Variants in ZFHX3 observed in about 807,000 individuals in gnomAD.
ZFHX3 encodes zinc finger homeobox 3.
In ZFHX3, 42 loss-of-function variants were observed where a neutral mutation model predicts 279.1. The observed-to-expected ratio is 0.15, with a 90% CI of 0.12 to 0.19. The LOEUF is 0.19. Ranked by LOEUF, ZFHX3 falls within the 10% of genes least tolerant of loss-of-function variation. ZFHX3 has a pLI of 1.00. For missense variants in ZFHX3, 4,981 were observed against 4,754.0 expected (o/e 1.05, Z -1.40); for synonymous variants, 2,293 against 1,957.8 (o/e 1.17, Z -4.52).
At chr16:73,168,266 TC>T (rs2080848362) in intron 5 of ZFHX3, among the ~76,000 whole-genome samples, 1 of 150,616 alleles carries the variant, frequency 6.6e-6, no homozygotes, top group African/African-American at 2.5e-5. Flanking sequence ...TTTCTTTCTT[TC>T]TTTCTTTCTT....
At chr16:72,874,290 T>C (rs535133088) in intron 4 of ZFHX3, among the ~76,000 whole-genome samples, 1 of 137,634 alleles carries the variant, frequency 7.3e-6, no homozygotes, top group East Asian at 2.3e-4. Context: ...CGCTGCAAAC[T>C]CCGCCTCCCG....
intron 5 of ZFHX3, among the ~76,000 whole-genome samples, chr16:72,819,242 A>G (rs2036708282): frequency 7.5e-6 from 1 of 133,744 alleles, no homozygotes; most frequent in South Asian, 3.0e-4. Flanking sequence ...CCCACCCCCA[A>G]TCTTGCTTAC....
intron 3 of ZFHX3, among the ~76,000 whole-genome samples, chr16:73,366,408 C>G (rs1018368274): frequency 1.3e-5 from 2 of 151,482 alleles, no homozygotes; most frequent in African/African-American, 4.9e-5. Flanking sequence ...TATTTTGATT[C>G]CTAAGTGGAA....
chr16:73,234,637 G>C (rs1001213329), intron 5 of ZFHX3, among the ~76,000 whole-genome samples: 1 of 152,186 alleles, frequency 6.6e-6, no homozygotes, highest in Admixed American at 6.5e-5. Context: ...ATTTGCTTGG[G>C]AATATTTCTT....
Position 72,959,575 on chromosome 16 carries a change from A to G in ZFHX3, c.571T>C (p.Tyr191His). The G allele has an allele frequency of 6.2e-7, 1 of 1,614,206 alleles. No homozygotes were observed. Among genetic ancestry groups the G allele is most frequent in the Non-Finnish European group, 8.5e-7 (1 of 1,180,044 alleles). ...TGGAAAGTGTTGATGATCTGCGGGT[A>G]CACGGGTGCAGCACACGAAGGGTCC... ...QGDPSCAAPV[Y>H]PQIINTFHIA... Residue 191 changes from tyrosine (Y) to histidine (H), a missense_variant, in exon 2 of 10, where the codon TAC becomes CAC. This residue lies in a region of ZFHX3 where 1,068 missense variants were observed against 935.2 expected (regional missense o/e 1.14). Coordinates refer to ENST00000268489, the MANE Select transcript of ZFHX3 (RefSeq NM_006885.4).
chr16:73,270,051 C>G (rs2014098239), intron 4 of ZFHX3, among the ~76,000 whole-genome samples: 1 of 151,996 alleles, frequency 6.6e-6, no homozygotes, highest in Admixed American at 6.6e-5. Flanking sequence ...TCCGGCCTGC[C>G]CATATATTTT....
intron 3 of ZFHX3, among the ~76,000 whole-genome samples, chr16:72,915,382 C>G (rs1405886007): frequency 6.6e-6 from 1 of 152,198 alleles, no homozygotes; most frequent in South Asian, 2.1e-4. Context: ...AGAAGGCTCT[C>G]GACACCCAGT....
chr16:73,337,314 C>T (rs547697706), intron 3 of ZFHX3, among the ~76,000 whole-genome samples: 3 of 152,296 alleles, frequency 2.0e-5, no homozygotes, highest in East Asian at 1.9e-4. Flanking sequence ...CCCCTCTACA[C>T]GTTCTGGCGA....
At chr16:73,865,742 G>C (rs1330727553) in intron 1 of ZFHX3, among the ~76,000 whole-genome samples, 1 of 151,944 alleles carries the variant, frequency 6.6e-6, no homozygotes, top group Non-Finnish European at 1.5e-5. Flanking sequence ...CACTTTGAGA[G>C]GCCCAGGCAG....
At chr16:73,175,010 A>G (rs1339076269) in intron 5 of ZFHX3, among the ~76,000 whole-genome samples, 1 of 151,888 alleles carries the variant, frequency 6.6e-6, no homozygotes, top group Non-Finnish European at 1.5e-5. Flanking sequence ...CCTGGGTGAC[A>G]GAGCAAGACC....
intron 2 of ZFHX3, among the ~76,000 whole-genome samples, chr16:73,531,305 CT>C (rs1273478093): frequency 6.6e-6 from 1 of 152,186 alleles, no homozygotes; most frequent in Non-Finnish European, 1.5e-5. Flanking sequence ...TATTTATATG[CT>C]TTTGAAAACC....
chr16:73,709,513 T>C (rs1432213719), intron 1 of ZFHX3, among the ~76,000 whole-genome samples: 2 of 151,994 alleles, frequency 1.3e-5, no homozygotes, highest in African/African-American at 4.8e-5. Context: ...TTATGCTGAG[T>C]GAAATAAGCC....
intron 3 of ZFHX3, among the ~76,000 whole-genome samples, chr16:72,925,546 T>C (rs1386744009): frequency 6.6e-6 from 1 of 152,244 alleles, no homozygotes; most frequent in Non-Finnish European, 1.5e-5. Flanking sequence ...GTGATCCTGA[T>C]GGTCACATTT....
intron 1 of ZFHX3, among the ~76,000 whole-genome samples, chr16:73,719,408 T>C (rs1478038266): frequency 6.6e-6 from 1 of 152,192 alleles, no homozygotes; most frequent in Non-Finnish European, 1.5e-5. Flanking sequence ...ATTTGGCTTT[T>C]GATAAATGTA....
intron 4 of ZFHX3, among the ~76,000 whole-genome samples, chr16:73,263,837 G>A (rs1050271975): frequency 2.6e-5 from 4 of 152,178 alleles, no homozygotes; most frequent in Non-Finnish European, 5.9e-5. Context: ...TGGCTGGAAG[G>A]TGCTAAGCAA....
At chr16:73,452,222 G>T (rs1480577227) in intron 3 of ZFHX3, among the ~76,000 whole-genome samples, 6 of 152,060 alleles carry the variant, frequency 3.9e-5, no homozygotes, top group Admixed American at 2.6e-4. Context: ...ACATTTTATG[G>T]TGAACAGATT....
At chr16:73,671,629 G>C (rs1395274616) in intron 2 of ZFHX3, among the ~76,000 whole-genome samples, 1 of 152,212 alleles carries the variant, frequency 6.6e-6, no homozygotes. Context: ...GCTGGGATTA[G>C]CATTTACTGA....
At chr16:72,882,599 C>G (rs2038509394) in intron 4 of ZFHX3, among the ~76,000 whole-genome samples, 1 of 152,164 alleles carries the variant, frequency 6.6e-6, no homozygotes, top group South Asian at 2.1e-4. Flanking sequence ...CACTGCCCAC[C>G]TGACCATCCT....
At chr16:73,752,478 T>G (rs993750206) in intron 1 of ZFHX3, among the ~76,000 whole-genome samples, 1 of 152,192 alleles carries the variant, frequency 6.6e-6, no homozygotes, top group African/African-American at 2.4e-5. Flanking sequence ...TGTCTCTGTT[T>G]ACTCTCTTTT....
Sources: allele counts gnomAD v4.1 joint callset (sites outside exome capture counted in the v4.1 genomes callset), GRCh38; gene constraint gnomAD v4.1.1; regional missense constraint gnomAD v4.1.1; transcripts MANE v1.5; gene names NCBI Gene and HGNC (gene_info 2026-07-23, HGNC 2026-07-21).